The following STX8 variants were observed in gnomAD, a reference collection of about 807,000 sequenced individuals.
STX8 encodes syntaxin 8.
In STX8, 23 loss-of-function variants were observed where a neutral mutation model predicts 37.5. The observed-to-expected ratio is 0.61, with a 90% CI of 0.44 to 0.87. The LOEUF (loss-of-function observed/expected upper bound fraction) is 0.87. STX8 is among the 40% of genes least tolerant of loss of function. STX8 has a pLI of 0.00. For missense variants in STX8, 313 were observed against 284.7 expected (o/e 1.10, Z -0.71); for synonymous variants, 115 against 99.1 (o/e 1.16, Z -0.95).
At chr17:9,517,123 T>G (rs1905179927) in intron 4 of STX8, among the ~76,000 whole-genome samples, 1 of 152,202 alleles carries the variant, frequency 6.6e-6, no homozygotes. Context: ...CCCTGACTCC[T>G]CCATCTAAAA....
At chr17:9,561,339 A>C (rs1395093182) in intron 2 of STX8, among the ~76,000 whole-genome samples, 2 of 152,192 alleles carry the variant, frequency 1.3e-5, no homozygotes, top group African/African-American at 2.4e-5. Flanking sequence ...TAATATAGTT[A>C]ACATATATAA....
rs773383079 is a variant in STX8, at chr17:9,545,201, C to G, written c.294G>C (p.Lys98Asn). ...TTAGATCTGGTTCGGCACCCTCATT[C>G]TTAAAGGATGCCAGAAGTAGTCTCT... ...TRERLLLASF[K>N]NEGAEPDLIR... Residue 98 changes from lysine to asparagine, a missense_variant, in exon 4 of 8, where the codon AAG (lysine) becomes AAC (asparagine). By Grantham distance (94) the Lys-to-Asn change is moderately conservative. Transcript: ENST00000306357. 1 of 1,613,914 alleles carries G rather than the reference C, an allele frequency of 6.2e-7. No individual in the cohort carries two copies. Among genetic ancestry groups the G allele is most frequent in the East Asian group, 2.2e-5 (1 of 44,892 alleles).
intron 7 of STX8, among the ~76,000 whole-genome samples, chr17:9,363,213 T>C (rs1459238851): frequency 6.6e-6 from 1 of 152,216 alleles, no homozygotes; most frequent in African/African-American, 2.4e-5. Context: ...CCAGGGATCA[T>C]TGATTTTACA....
At chr17:9,391,375 C>T (rs540466693) in intron 6 of STX8, among the ~76,000 whole-genome samples, 1 of 152,070 alleles carries the variant, frequency 6.6e-6, no homozygotes, top group Admixed American at 6.6e-5. Flanking sequence ...TTGCTTGAAC[C>T]TGGGAAGTGG....
At chr17:9,533,251 G>A (rs1320382748) in intron 4 of STX8, among the ~76,000 whole-genome samples, 6 of 152,098 alleles carry the variant, frequency 3.9e-5, no homozygotes, top group South Asian at 2.1e-4. Context: ...GTGGATCACC[G>A]GAGTTCAGGA....
chr17:9,252,103 G>C (rs1003556603), intron 7 of STX8, among the ~76,000 whole-genome samples: 1 of 151,558 alleles, frequency 6.6e-6, no homozygotes, highest in Non-Finnish European at 1.5e-5. Context: ...TCAGGAGTTC[G>C]AGACCAGCCT....
At chr17:9,477,279 TA>T (rs1906143703) in intron 6 of STX8, among the ~76,000 whole-genome samples, 1 of 152,128 alleles carries the variant, frequency 6.6e-6, no homozygotes, top group African/African-American at 2.4e-5. Context: ...TCTGAAGTAG[TA>T]GGGGGTTAGT....
At chr17:9,458,898 C>T (rs1338851951) in intron 6 of STX8, among the ~76,000 whole-genome samples, 4 of 149,260 alleles carry the variant, frequency 2.7e-5, no homozygotes, top group African/African-American at 4.9e-5. Context: ...GGTGCAATCT[C>T]GGCTCACTGC....
At chr17:9,328,048 C>T (rs1909836761) in intron 7 of STX8, among the ~76,000 whole-genome samples, 1 of 150,900 alleles carries the variant, frequency 6.6e-6, no homozygotes, top group Admixed American at 6.6e-5. Context: ...TCTCTCCTCT[C>T]CCCCCACCCC....
chr17:9,266,168 C>T (rs534476539), intron 7 of STX8, among the ~76,000 whole-genome samples: 8 of 152,176 alleles, frequency 5.3e-5, no homozygotes, highest in Admixed American at 2.6e-4. Context: ...TGAAGGGTGA[C>T]GTAATGACAA....
chr17:9,311,155 T>C (rs1567778952), intron 7 of STX8, among the ~76,000 whole-genome samples: 1 of 151,300 alleles, frequency 6.6e-6, no homozygotes, highest in Non-Finnish European at 1.5e-5. Context: ...GAGAATTGCT[T>C]GAACCCAGGA....
chr17:9,465,559 C>G (rs1905574000), intron 6 of STX8, among the ~76,000 whole-genome samples: 2 of 152,086 alleles, frequency 1.3e-5, no homozygotes, highest in African/African-American at 4.8e-5. Context: ...AAATGTATAC[C>G]CTGAGATCAG....
chr17:9,568,401 T>A lies in STX8; in HGVS notation c.87A>T (p.Gln29His). The A allele has an allele frequency of 6.2e-7, 1 of 1,612,434 alleles. No homozygotes were observed. Among genetic ancestry groups the A allele is most frequent in the South Asian group, 1.1e-5 (1 of 90,962 alleles). The change falls in exon 2 of 8, where the codon CAA (glutamine) becomes CAT (histidine). Residue 29 changes from glutamine to histidine, a missense_variant. Gln to His is a conservative substitution (Grantham distance 24). Transcript: ENST00000306357. ...GTGCCTTTTCACCTTTTCTTTCATA[T>A]TGATTTCGTTGTTGAATTTTCTCAG... is the stretch of plus-strand genomic sequence containing the variant. ...EIAEKIQQRN[Q>H]YERKGEKAPK...
intron 6 of STX8, among the ~76,000 whole-genome samples, chr17:9,454,791 A>G (rs1567568387): frequency 6.6e-6 from 1 of 152,192 alleles, no homozygotes; most frequent in East Asian, 1.9e-4. Context: ...GAAACCACAT[A>G]TAAGGGGGAA....
chr17:9,494,350 T>C (rs901791728), intron 5 of STX8, among the ~76,000 whole-genome samples: 1 of 147,412 alleles, frequency 6.8e-6, no homozygotes, highest in East Asian at 2.2e-4. Context: ...AGCAGGAAGC[T>C]GGGCGCAGTG....
At chr17:9,557,595 G>T in intron 2 of STX8, 67 bp from the exon 3 acceptor site, 2 of 1,364,318 alleles carry the variant, frequency 1.5e-6, no homozygotes, top group Non-Finnish European at 1.0e-6. Flanking sequence ...ATTACATCAC[G>T]TAAACACTAC....
chr17:9,570,986 T>G (rs1349536528), intron 1 of STX8, among the ~76,000 whole-genome samples: 1 of 151,988 alleles, frequency 6.6e-6, no homozygotes, highest in African/African-American at 2.4e-5. Context: ...CCCGGCACAT[T>G]TGGCTGCGTG....
intron 3 of STX8, chr17:9,548,556 C>G (rs1906639854): frequency 6.6e-6 from 1 of 152,168 alleles, no homozygotes; most frequent in South Asian, 2.1e-4. Context: ...AGGATGTCCA[C>G]TGAACCATTA....
rs1324579491 is a variant in STX8, at chr17:9,459,293, C to T, written c.541+32536G>A. ...AAATTATTAAAATAAAGAGCCTGGA[C>T]GAGGGCCCCCATGGAAGTGAACTCG... is the stretch of plus-strand genomic sequence containing the variant. On this transcript the variant is annotated intron_variant, in intron 6 of 7. Transcript: ENST00000306357. Among the ~76,000 whole-genome samples the T allele has an allele frequency of 3.9e-5, 6 of 152,098 alleles. No homozygotes were observed. The East Asian group carries it at 5.8e-4, about 15-fold the overall frequency.
Sources: allele counts gnomAD v4.1 joint callset (sites outside exome capture counted in the v4.1 genomes callset), GRCh38; gene constraint gnomAD v4.1.1; transcripts MANE v1.5; gene names NCBI Gene and HGNC (gene_info 2026-07-23, HGNC 2026-07-21).